Variants in SYNE2 observed in about 807,000 individuals in gnomAD.
SYNE2 encodes nesprin-2.
Under a neutral mutation model 856.3 loss-of-function variants are expected in SYNE2, and 431 were observed. The ratio of observed to expected loss-of-function variants is 0.50; its 90% CI spans 0.47 to 0.55. The LOEUF (loss-of-function observed/expected upper bound fraction) is 0.55. Ranked by LOEUF, SYNE2 falls within the 20% of genes least tolerant of loss-of-function variation. The pLI is 0.00. For synonymous variants in SYNE2, 2,923 were observed against 2,872.3 expected, an observed-to-expected ratio of 1.02 and a Z score of -0.56; for missense variants, 8,129 against 8,023.2, an observed-to-expected ratio of 1.01 and a Z score of -0.50.
At position 64,100,574 on chromosome 14, in the gene SYNE2, A is replaced by G. The variant is rs558393661; in HGVS notation, c.12382-1358A>G. Among the ~76,000 whole-genome samples, 57 of 127,988 alleles carry G rather than the reference A, an allele frequency of 4.5e-4. No individual in the cohort carries two copies. The South Asian group carries it at 0.013, about 30-fold the overall frequency. The allele number at this position is 127,988 out of a possible 152,430, so 84.0% of individuals were successfully genotyped here. A position where few individuals can be genotyped will look rare whatever the true frequency, so the allele number is the denominator to read the frequency against. On this transcript the variant is annotated intron_variant, in intron 63 of 115. Transcript: ENST00000555002. ...TATATATATATATATATATATATTT[A>G]TGACATGTATGATGTTTTGATACAG...
intron 99 of SYNE2, among the ~76,000 whole-genome samples, chr14:64,200,655 G>C (rs888517323): frequency 6.6e-6 from 1 of 152,192 alleles, no homozygotes; most frequent in Non-Finnish European, 1.5e-5. Context: ...TGAAGGGAAC[G>C]TATCCTTGTG....
At chr14:63,999,110 C>T (rs888380538) in intron 27 of SYNE2, 70 bp downstream of exon 27, 6 of 1,475,314 alleles carry the variant, frequency 4.1e-6, no homozygotes, top group African/African-American at 2.8e-5. Flanking sequence ...TGAGTCTGGA[C>T]ATCCCCTTTT....
At chr14:64,071,628 A>G (rs1035107744) in intron 52 of SYNE2, among the ~76,000 whole-genome samples, 1 of 152,270 alleles carries the variant, frequency 6.6e-6, no homozygotes, top group Non-Finnish European at 1.5e-5. Flanking sequence ...TTAAATAAAT[A>G]GAGATCAAAA....
Position 64,031,029 on chromosome 14 carries a change from G to T in SYNE2, c.6893G>T (p.Arg2298Ile). 6.2e-7 allele frequency: 1 copy of T among 1,613,598 alleles called. No homozygotes were observed. The highest frequency in any genetic ancestry group is 8.5e-7 in the Non-Finnish European group (1 of 1,179,716). Residue 2298 changes from arginine to isoleucine, a missense_variant, in exon 45 of 116, where the codon AGA (arginine) becomes ATA (isoleucine). Around this residue, in one of 3 missense-constraint regions of SYNE2, gnomAD observed 297 missense variants for 380.9 expected, o/e 0.78. Coordinates refer to ENST00000555002, the MANE Select transcript of SYNE2 (RefSeq NM_182914.3). Reference sequence around the variant, plus strand: ...CTCCACTCGTAGGAACTAGAGAATAGACTCAGTTTACAAGATGGCACATTA... The same window carrying T: ...CTCCACTCGTAGGAACTAGAGAATATACTCAGTTTACAAGATGGCACATTA... ...KLQKLQELENRLSLQDGTLKK... is the reference protein window; with the variant it reads ...KLQKLQELENILSLQDGTLKK...
intron 24 of SYNE2, 54 bp downstream of exon 24, chr14:63,997,212 C>A: frequency 6.3e-7 from 1 of 1,589,104 alleles, no homozygotes; most frequent in Non-Finnish European, 8.6e-7. Flanking sequence ...GCCTTTTGCA[C>A]GATCAAATGA....
chr14:63,958,644 T>C (rs947826578), intron 8 of SYNE2, among the ~76,000 whole-genome samples: 1 of 152,198 alleles, frequency 6.6e-6, no homozygotes, highest in Non-Finnish European at 1.5e-5. Context: ...CTTCTCTCCA[T>C]ACTGTGCTCT....
Position 63,954,652 on chromosome 14 carries a change from A to AT in SYNE2, c.591-66dup, listed in dbSNP as rs2096216894. The AT allele has an allele frequency of 2.9e-6, 4 of 1,401,316 alleles. No individual in the cohort carries two copies. In the East Asian group the frequency reaches 7.0e-5, roughly 24 times the overall value. The allele number at this position is 1,401,316 out of a possible 1,614,324, so 86.8% of individuals were successfully genotyped here. A position where few individuals can be genotyped will look rare whatever the true frequency, so the allele number is the denominator to read the frequency against. ...TTTGCCAAATTTTAATTACTATTGA[A>AT]TATAGTGGAGGGGGGTGTTACGTTC... is the stretch of plus-strand genomic sequence containing the variant. On this transcript the variant is annotated intron_variant, in intron 7 of 115. Transcript: ENST00000555002.
chr14:64,072,218 G>T (rs775828876), intron 52 of SYNE2, among the ~76,000 whole-genome samples: 3 of 152,134 alleles, frequency 2.0e-5, no homozygotes, highest in African/African-American at 7.2e-5. Context: ...GAATCACTGG[G>T]TCAAAGAATA....
At chr14:63,939,001 C>T (rs2095867290) in intron 2 of SYNE2, among the ~76,000 whole-genome samples, 1 of 152,128 alleles carries the variant, frequency 6.6e-6, no homozygotes, top group Admixed American at 6.6e-5. Flanking sequence ...TGTGCATGCA[C>T]TGGCTGATAT....
intron 95 of SYNE2, 92 bp from the exon 96 acceptor site, chr14:64,177,266 G>A (rs2098439407): frequency 2.0e-6 from 3 of 1,515,980 alleles, no homozygotes; most frequent in Non-Finnish European, 2.7e-6. Flanking sequence ...AAACTTAATA[G>A]AAAGATTATG....
intron 54 of SYNE2, among the ~76,000 whole-genome samples, chr14:64,076,325 T>A (rs2097458908): frequency 6.6e-6 from 1 of 152,234 alleles, no homozygotes; most frequent in African/African-American, 2.4e-5. Context: ...GTCAAAATGC[T>A]TATTCTTCTC....
intron 48 of SYNE2, among the ~76,000 whole-genome samples, chr14:64,055,320 A>T (rs1036591997): frequency 6.6e-6 from 1 of 151,658 alleles, no homozygotes; most frequent in Non-Finnish European, 1.5e-5. Flanking sequence ...TATTCTTGAG[A>T]TGTTATTTTG....
rs372343171 is a variant in SYNE2, at chr14:64,141,972, G to A, written c.15190G>A (p.Ala5064Thr). The A allele has an allele frequency of 3.1e-6, 5 of 1,614,074 alleles. No homozygotes were observed. The highest frequency in any genetic ancestry group is 4.2e-6 in the Non-Finnish European group (5 of 1,180,002). Reference sequence around the variant, plus strand: ...AATGGAGAAATTGCCGTCTCGTAAAGCAATCACAGAAATGATTAGCTGGAT... The same window carrying A: ...AATGGAGAAATTGCCGTCTCGTAAAACAATCACAGAAATGATTAGCTGGAT... ...LQMEKLPSRK[A>T]ITEMISWMNN... Residue 5064 changes from alanine (A) to threonine (T), a missense_variant, in exon 82 of 116, where the codon GCA becomes ACA. Ala to Thr is a moderately conservative substitution (Grantham distance 58, BLOSUM62 0). Transcript: ENST00000555002.
chr14:64,139,829 G>C, intron 79 of SYNE2, 112 bp from the exon 80 acceptor site: 1 of 1,043,308 alleles, frequency 9.6e-7, no homozygotes, highest in South Asian at 1.3e-5. Flanking sequence ...CTGAATGTTA[G>C]GACTGATCAA....
intron 1 of SYNE2, among the ~76,000 whole-genome samples, chr14:63,890,404 G>T (rs2095104517): frequency 6.6e-6 from 1 of 152,170 alleles, no homozygotes; most frequent in African/African-American, 2.4e-5. Flanking sequence ...AAGTAGGCCA[G>T]AGAATGTCTT....
chr14:64,156,885 T>G (rs919180058), intron 85 of SYNE2, among the ~76,000 whole-genome samples: 1 of 152,246 alleles, frequency 6.6e-6, no homozygotes, highest in Non-Finnish European at 1.5e-5. Flanking sequence ...TTTGGTTTTT[T>G]ATCCAGCCCT....
intron 11 of SYNE2, among the ~76,000 whole-genome samples, chr14:63,972,177 C>T (rs750219915): frequency 5.3e-5 from 8 of 152,088 alleles, no homozygotes; most frequent in South Asian, 4.2e-4. Flanking sequence ...TTCTGATCAC[C>T]GCTTTGAAAC....
At position 64,137,783 on chromosome 14, in the gene SYNE2, T is replaced by C. The variant is rs1231784001; in HGVS notation, c.14647-4T>C. 6.2e-7 allele frequency: 1 copy of C among 1,614,052 alleles called. No homozygotes were observed. Among genetic ancestry groups the C allele is most frequent in the African/African-American group, 1.3e-5 (1 of 74,936 alleles). On this transcript the variant is annotated splice_region_variant and splice_polypyrimidine_tract_variant and intron_variant, in intron 78 of 115. Transcript: ENST00000555002. ...ATTCATTCTATGACTTTACTTTTTA[T>C]TAGCAAATAAAAAGAAACATTGGTG... is the stretch of plus-strand genomic sequence containing the variant.
rs377270470 is a variant in SYNE2 at position 64,095,095 on chromosome 14, C to T, written c.12108+1615C>T. ...CCATTAAAAGTAATGACAAAAACCG[C>T]GATTACTTTTGCACCCACCTAATGG... On this transcript the variant is annotated intron_variant, in intron 61 of 115. Coordinates refer to ENST00000555002, the MANE Select transcript of SYNE2 (RefSeq NM_182914.3). 1.3e-4 allele frequency: 22 copies of T among 170,356 alleles called. No homozygotes were observed. In the Middle Eastern group the frequency reaches 1.6e-3, roughly 12 times the overall value. The allele number at this position is 170,356 out of a possible 1,614,324, so 10.6% of individuals were successfully genotyped here. A position where few individuals can be genotyped will look rare whatever the true frequency, so the allele number is the denominator to read the frequency against.
Sources: gnomAD v4.1 joint callset for allele counts (sites outside exome capture counted in the v4.1 genomes callset) on GRCh38, gnomAD v4.1.1 for gene constraint, gnomAD v4.1.1 regional missense constraint, MANE v1.5 for transcripts, NCBI Gene and HGNC (gene_info 2026-07-23, HGNC 2026-07-21) for gene names.